The following AMBP variants were observed in gnomAD, a reference collection of about 807,000 sequenced individuals.
AMBP encodes the protein alpha-1-microglobulin/bikunin precursor.
Under a neutral mutation model 46.3 loss-of-function variants are expected in AMBP, and 37 were observed. The ratio of observed to expected loss-of-function variants is 0.80; its 90% CI spans 0.61 to 1.05. The LOEUF (loss-of-function observed/expected upper bound fraction) is 1.05, where lower values mean the gene tolerates loss of function less well. Ranked by LOEUF, AMBP falls within the 50% of genes least tolerant of loss-of-function variation. The probability of loss-of-function intolerance (pLI) is 0.00; values close to 1 mark genes in which losing one functional copy is unlikely to be tolerated. For synonymous variants in AMBP, 174 were observed against 175.9 expected, an observed-to-expected ratio of 0.99 and a Z score of 0.09; for missense variants, 475 against 461.2, an observed-to-expected ratio of 1.03 and a Z score of -0.27.
chr9:114,061,065 C>T lies in AMBP; in HGVS notation c.887G>A (p.Cys296Tyr). The T allele has an allele frequency of 6.2e-7, 1 of 1,614,210 alleles. No individual in the cohort carries two copies. The highest frequency in any genetic ancestry group is 8.5e-7 in the Non-Finnish European group (1 of 1,180,026). Residue 296 changes from cysteine (C) to tyrosine (Y), a missense_variant, in exon 9 of 10, where the codon TGC becomes TAC. This residue lies in a region of AMBP where 293 missense variants were observed against 276.9 expected (regional missense o/e 1.06). Coordinates refer to ENST00000265132, the MANE Select transcript of AMBP (RefSeq NM_001633.4). Reference sequence around the variant, plus strand: ...TGCCCAGAGCTGGATGAAGGCTCGGCAGGGGCCCCGGACTATGGGGAGATT... The same window carrying T: ...TGCCCAGAGCTGGATGAAGGCTCGGTAGGGGCCCCGGACTATGGGGAGATT... ...ACNLPIVRGP[C>Y]RAFIQLWAFD...
chr9:114,072,812 G>A lies in AMBP; in HGVS notation c.556+113C>T. ...TGATTCACTATGGAGGGGAGGCTGTGGCGCCTTTTTATCTCAGAGGGTTAT... is the reference window on the plus strand; with the variant it reads ...TGATTCACTATGGAGGGGAGGCTGTAGCGCCTTTTTATCTCAGAGGGTTAT... On this transcript the variant is annotated intron_variant, in intron 5 of 9. Coordinates refer to ENST00000265132, the MANE Select transcript of AMBP (RefSeq NM_001633.4). 8.4e-6 allele frequency: 7 copies of A among 835,416 alleles called. No homozygotes were observed. The South Asian group carries it at 1.1e-4, about 13-fold the overall frequency. The allele number at this position is 835,416 out of a possible 1,614,324, so 51.8% of individuals were successfully genotyped here.
chr9:114,067,186 G>A lies in AMBP; in HGVS notation c.603+2513C>T, dbSNP rs529078104. ...GATCTCCTGACCTCTTGATCTGCCC[G>A]CCTCACCTCCCAAAGTGCTGGGATT... On this transcript the variant is annotated intron_variant, in intron 6 of 9. Coordinates refer to ENST00000265132, the MANE Select transcript of AMBP (RefSeq NM_001633.4). Among the ~76,000 whole-genome samples the A allele has an allele frequency of 1.7e-3, 264 of 152,160 alleles. 1 individual carries two copies. The highest frequency in any genetic ancestry group is 6.0e-3 in the African/African-American group (250 of 41,506).
intron 1 of AMBP, 64 bp downstream of exon 1, chr9:114,078,029 A>G (rs1345585285): frequency 2.6e-6 from 4 of 1,532,206 alleles, no homozygotes; most frequent in Non-Finnish European, 3.6e-6. Flanking sequence ...CTTGCCCAGC[A>G]GGGCCCATCT....
intron 1 of AMBP, among the ~76,000 whole-genome samples, chr9:114,077,249 C>A (rs572631581): frequency 5.6e-4 from 86 of 152,322 alleles, no homozygotes; most frequent in African/African-American, 2.0e-3. Context: ...CAGGCTCCTA[C>A]GGAACAGGCC....
intron 7 of AMBP, among the ~76,000 whole-genome samples, chr9:114,062,329 G>T (rs79692587): frequency 0.094 from 14,266 of 152,042 alleles, 1,471 homozygotes; most frequent in African/African-American, 0.26. Flanking sequence ...GTCCCTCCCC[G>T]ACTTCCTCCT....
At chr9:114,074,181 G>T in intron 3 of AMBP, 29 bp from the exon 4 acceptor site, 2 of 1,580,442 alleles carry the variant, frequency 1.3e-6, no homozygotes, top group Non-Finnish European at 1.7e-6. Context: ...CAGACCAAAG[G>T]GATCAGTGGT....
intron 1 of AMBP, 68 bp downstream of exon 1, chr9:114,078,025 C>A: frequency 6.6e-7 from 1 of 1,523,752 alleles, no homozygotes; most frequent in Non-Finnish European, 9.1e-7. Flanking sequence ...CGCACTTGCC[C>A]AGCAGGGCCC....
chr9:114,061,504 G>A lies in AMBP; in HGVS notation c.773C>T (p.Thr258Ile). ...GCCCATGCAGCCGCCGTACTGGAAA[G>A]TCTCACAGGCCATGGATGTACCATT... ...FYNGTSMACE[T>I]FQYGGCMGNG... is the part of the protein sequence containing the mutation. Residue 258 changes from threonine to isoleucine, a missense_variant, in exon 8 of 10, where the codon ACT (threonine) becomes ATT (isoleucine). Physicochemically the swap from Thr to Ile is moderately conservative, Grantham distance 89. Transcript: ENST00000265132. 6.2e-7 allele frequency: 1 copy of A among 1,614,168 alleles called. No individual in the cohort carries two copies. Among genetic ancestry groups the A allele is most frequent in the Middle Eastern group, 1.7e-4 (1 of 6,060 alleles).
rs200832862 is a variant in AMBP at position 114,061,476 on chromosome 9, G to A, written c.801C>T (p.Asn267=). The A allele has an allele frequency of 4.2e-5, 68 of 1,614,122 alleles. No homozygotes were observed. The highest frequency in any genetic ancestry group is 3.6e-4 in the East Asian group (16 of 44,880). Residue 267 remains asparagine, a synonymous_variant, in exon 8 of 10, where the codon AAC becomes AAT. Coordinates refer to ENST00000265132, the MANE Select transcript of AMBP (RefSeq NM_001633.4). The part of the protein sequence containing the change: ...ETFQYGGCMG[N]GNNFVTEKEC... ...CCTTTTCTGTGACGAAGTTGTTACC[G>A]TTGCCCATGCAGCCGCCGTACTGGA... is the stretch of plus-strand genomic sequence containing the variant.
rs1325647896 is a variant in AMBP, at chr9:114,061,596, G to C, written c.686-5C>G. ...AGTAGCCCAGCTGGCAGGAATCTAG[G>C]GAGGGGCAGACCAGCAGCACTGACC... On this transcript the variant is annotated splice_region_variant and splice_polypyrimidine_tract_variant and intron_variant, in intron 7 of 9. Coordinates refer to ENST00000265132, the MANE Select transcript of AMBP (RefSeq NM_001633.4). 6.3e-7 allele frequency: 1 copy of C among 1,592,014 alleles called. No individual in the cohort carries two copies.
chr9:114,060,339 C>A, intron 9 of AMBP, 69 bp from the exon 10 acceptor site: 1 of 1,533,816 alleles, frequency 6.5e-7, no homozygotes, highest in South Asian at 1.2e-5. Context: ...AAGCAGCTGT[C>A]GCCTGGGGCC....
At chr9:114,065,320 G>C (rs80252371) in intron 6 of AMBP, among the ~76,000 whole-genome samples, 2 of 152,112 alleles carry the variant, frequency 1.3e-5, no homozygotes, top group African/African-American at 4.8e-5. Flanking sequence ...CGGGTGATTC[G>C]CACACATAGA....
intron 9 of AMBP, 67 bp downstream of exon 9, chr9:114,060,858 C>T: frequency 6.5e-7 from 1 of 1,546,220 alleles, no homozygotes; most frequent in Non-Finnish European, 8.8e-7. Context: ...CCTACTCCTC[C>T]CAGGGCTCTC....
At position 114,060,152 on chromosome 9, in the gene AMBP, T is replaced by C; in HGVS notation, c.*87A>G. ...TTTCAGGAGTTTACAATTTAGTTTT[T>C]ATTTGGACCCAGGTTGCTTGGCGCT... On this transcript the variant is annotated 3_prime_UTR_variant, in exon 10 of 10. Coordinates refer to ENST00000265132, the MANE Select transcript of AMBP (RefSeq NM_001633.4). 1 of 1,410,274 alleles carries C rather than the reference T, an allele frequency of 7.1e-7. No homozygotes were observed. Among genetic ancestry groups the C allele is most frequent in the Non-Finnish European group, 9.7e-7 (1 of 1,030,070 alleles). The allele number at this position is 1,410,274 out of a possible 1,614,324, so 87.4% of individuals were successfully genotyped here. A position where few individuals can be genotyped will look rare whatever the true frequency, so the allele number is the denominator to read the frequency against.
At chr9:114,069,862 A>T in intron 5 of AMBP, 117 bp from the exon 6 acceptor site, 1 of 1,048,250 alleles carries the variant, frequency 9.5e-7, no homozygotes, top group South Asian at 1.4e-5. Flanking sequence ...GCCTTAGTCC[A>T]CTTCATGAAT....
chr9:114,067,696 G>T (rs1364254326), intron 6 of AMBP, among the ~76,000 whole-genome samples: 1 of 152,100 alleles, frequency 6.6e-6, no homozygotes, highest in Non-Finnish European at 1.5e-5. Context: ...CGGGTCTCGG[G>T]CTTTTTCATA....
chr9:114,076,682 A>C lies in AMBP; in HGVS notation c.176T>G (p.Ile59Ser). 1.2e-6 allele frequency: 2 copies of C among 1,613,718 alleles called. No individual in the cohort carries two copies. The highest frequency in any genetic ancestry group is 3.3e-4 in the Middle Eastern group (2 of 6,060). Reference protein sequence around the residue: ...IGSTCPWLKKIMDRMTVSTLV... With the variant: ...IGSTCPWLKKSMDRMTVSTLV... ...CGTGCTCACTGTCATCCTGTCCATGATCTTCTTCAGCCAGGGGCAGGTGGA... is the reference window on the plus strand; with the variant it reads ...CGTGCTCACTGTCATCCTGTCCATGCTCTTCTTCAGCCAGGGGCAGGTGGA... Residue 59 changes from isoleucine (I) to serine (S), a missense_variant, in exon 2 of 10, where the codon ATC (isoleucine) becomes AGC (serine). Physicochemically the swap from Ile to Ser is moderately radical, Grantham distance 142 (BLOSUM62 -2). Around this residue, in one of 3 missense-constraint regions of AMBP, gnomAD observed 179 missense variants for 167.4 expected, o/e 1.07. Transcript: ENST00000265132.
intron 9 of AMBP, 130 bp downstream of exon 9, chr9:114,060,795 G>T: frequency 1.8e-6 from 2 of 1,102,280 alleles, no homozygotes; most frequent in Non-Finnish European, 2.6e-6. Context: ...CCATTTCAGA[G>T]AGTAGATGGG....
At chr9:114,064,837 C>A (rs867970633) in intron 6 of AMBP, among the ~76,000 whole-genome samples, 51 of 152,138 alleles carry the variant, frequency 3.4e-4, no homozygotes, top group Non-Finnish European at 8.8e-5. Context: ...AACCTCCAGG[C>A]CTGGTATGTC....
Sources: gnomAD v4.1 joint callset for allele counts (sites outside exome capture counted in the v4.1 genomes callset) on GRCh38, gnomAD v4.1.1 for gene constraint, gnomAD v4.1.1 regional missense constraint, MANE v1.5 for transcripts, NCBI Gene and HGNC (gene_info 2026-07-23, HGNC 2026-07-21) for gene names.